Variants in MSR1 observed in about 807,000 individuals in gnomAD.
MSR1 encodes macrophage scavenger receptor 1.
MSR1 carries 53 observed loss-of-function variants against 47.2 expected under a neutral mutation model. The observed-to-expected ratio is 1.12, with a 90% CI of 0.90 to 1.41. MSR1 has a LOEUF of 1.41. Ranked by LOEUF, MSR1 falls within the 40% of genes most tolerant of loss-of-function variation. MSR1 has a pLI of 0.00. For synonymous variants in MSR1, 239 were observed against 185.6 expected (o/e 1.29, Z -2.34); for missense variants, 786 against 546.9 (o/e 1.44, Z -4.36).
chr8:16,170,759 C>T (rs1198617518), intron 3 of MSR1, among the ~76,000 whole-genome samples: 1 of 152,014 alleles, frequency 6.6e-6, no homozygotes, highest in Non-Finnish European at 1.5e-5. Context: ...GATCTAGTTC[C>T]CTGATTCTAG....
At chr8:16,150,368 G>A (rs1215860150) in intron 6 of MSR1, 57 bp from the exon 7 acceptor site, 1 of 989,976 alleles carries the variant, frequency 1.0e-6, no homozygotes, top group Non-Finnish European at 1.5e-6. Context: ...ACAGACTTGA[G>A]AGTATAATGA....
chr8:16,142,960 TA>T (rs1487638532), intron 8 of MSR1, among the ~76,000 whole-genome samples: 4 of 152,180 alleles, frequency 2.6e-5, no homozygotes, highest in African/African-American at 7.2e-5. Context: ...GCATGGCAAA[TA>T]GAAGACATCT....
At chr8:16,115,004 C>A (rs1048697598) in intron 9 of MSR1, among the ~76,000 whole-genome samples, 1 of 151,722 alleles carries the variant, frequency 6.6e-6, no homozygotes, top group Non-Finnish European at 1.5e-5. Flanking sequence ...ATGGAGAAAC[C>A]CCGTCTCTAC....
intron 8 of MSR1, chr8:16,140,294 A>G: frequency 2.0e-6 from 2 of 985,082 alleles, no homozygotes; most frequent in East Asian, 1.1e-4. Context: ...AGAAAAAGAA[A>G]AAAAAAAAGC....
chr8:16,152,989 G>A (rs1800902292), intron 6 of MSR1, among the ~76,000 whole-genome samples: 2 of 151,990 alleles, frequency 1.3e-5, no homozygotes, highest in African/African-American at 4.8e-5. Context: ...GTTATTATTT[G>A]GGGAATAAAG....
chr8:16,182,509 G>A (rs777623350), intron 1 of MSR1, among the ~76,000 whole-genome samples: 5 of 151,122 alleles, frequency 3.3e-5, no homozygotes, highest in Non-Finnish European at 7.4e-5. Flanking sequence ...TTGTGTAGCT[G>A]TACAAAAATA....
In MSR1 at chr8:16,120,425, A is replaced by G. The variant is rs1240648279; in HGVS notation, c.1215T>C (p.Phe405=). Residue 405 remains phenylalanine, a synonymous_variant, in exon 9 of 10, where the codon TTT becomes TTC. Transcript: ENST00000262101. ...GVQAVHKAAH[F]GQGTGPIWLN... is the part of the protein sequence containing the mutation. ...AGATTTTCTTTAAATTACCTTGTCCAAAGTGAGCTGCCTTGTGCACGGCTT... is the reference window on the plus strand; with the variant it reads ...AGATTTTCTTTAAATTACCTTGTCCGAAGTGAGCTGCCTTGTGCACGGCTT... 1 of 1,613,836 alleles carries G rather than the reference A, an allele frequency of 6.2e-7. No individual in the cohort carries two copies. Among genetic ancestry groups the G allele is most frequent in the Non-Finnish European group, 8.5e-7 (1 of 1,179,892 alleles).
intron 5 of MSR1, among the ~76,000 whole-genome samples, chr8:16,156,394 T>C (rs935990003): frequency 6.6e-6 from 1 of 151,832 alleles, no homozygotes; most frequent in Non-Finnish European, 1.5e-5. Flanking sequence ...AATAAGTATA[T>C]TTTGTACATT....
intron 1 of MSR1, among the ~76,000 whole-genome samples, chr8:16,184,822 T>C (rs933750725): frequency 1.4e-4 from 21 of 152,224 alleles, no homozygotes; most frequent in Admixed American, 6.6e-4. Flanking sequence ...TTTTAGCATA[T>C]AGAAGTGATA....
At chr8:16,143,708 T>TATA (rs3036811) in intron 7 of MSR1, 97 bp from the exon 8 acceptor site, 89,825 of 828,288 alleles carry the variant, frequency 0.11, 9,870 homozygotes, top group East Asian at 0.46. Flanking sequence ...TAAAATATAA[T>TATA]AGAATGGACA....
intron 8 of MSR1, among the ~76,000 whole-genome samples, chr8:16,138,707 A>C (rs1044840337): frequency 6.6e-6 from 1 of 152,172 alleles, no homozygotes; most frequent in South Asian, 2.1e-4. Flanking sequence ...AGAATGGGAC[A>C]GGAGGTCTCA....
intron 7 of MSR1, among the ~76,000 whole-genome samples, chr8:16,146,590 T>C (rs992508087): frequency 1.3e-5 from 2 of 152,124 alleles, no homozygotes; most frequent in Non-Finnish European, 2.9e-5. Context: ...AAGGGCTTTT[T>C]GTAGACTTCA....
At chr8:16,160,741 T>C (rs73530320) in intron 5 of MSR1, among the ~76,000 whole-genome samples, 13,298 of 151,986 alleles carry the variant, frequency 0.087, 897 homozygotes, top group East Asian at 0.33. Flanking sequence ...ATGTCTAGTG[T>C]TCATTATGGA....
intron 3 of MSR1, among the ~76,000 whole-genome samples, chr8:16,170,700 C>A (rs1801458968): frequency 6.6e-6 from 1 of 152,014 alleles, no homozygotes; most frequent in African/African-American, 2.4e-5. Flanking sequence ...TAGTTCTACC[C>A]CTAACTCAAG....
At chr8:16,115,604 C>T (rs1308051930) in intron 9 of MSR1, among the ~76,000 whole-genome samples, 3 of 152,118 alleles carry the variant, frequency 2.0e-5, no homozygotes, top group Non-Finnish European at 4.4e-5. Context: ...TCTCTCAGCT[C>T]ATTTTGCTTT....
intron 8 of MSR1, chr8:16,140,740 T>TC: frequency 7.1e-7 from 1 of 1,416,836 alleles, no homozygotes; most frequent in South Asian, 1.5e-5. Context: ...ATGAGAGGTG[T>TC]CCAGGCTGGG....
chr8:16,139,534 A>G, intron 8 of MSR1: 1 of 984,510 alleles, frequency 1.0e-6, no homozygotes, highest in Non-Finnish European at 1.2e-6. Flanking sequence ...TAAAGGAAAG[A>G]AGAGTTGTGA....
intron 8 of MSR1, among the ~76,000 whole-genome samples, chr8:16,129,230 A>G (rs1409575964): frequency 1.3e-5 from 2 of 152,186 alleles, no homozygotes; most frequent in African/African-American, 4.8e-5. Flanking sequence ...TTGCTAAATA[A>G]TTCACATTAG....
rs143183577 is a variant in MSR1 at position 16,184,871 on chromosome 8, T to C, written c.-4-6879A>G. 3.3e-3 allele frequency among the ~76,000 whole-genome samples: 509 copies of C among 152,208 alleles called. 6 individuals carry two copies. The highest frequency in any genetic ancestry group is 0.011 in the African/African-American group (469 of 41,550). The stretch of plus-strand genomic sequence containing the variant: ...GGATTACTATATTTTAAACCGTGGT[T>C]ACCTTGGGAAGATTTATTTAATCTC... On this transcript the variant is annotated intron_variant, in intron 1 of 9. Transcript: ENST00000262101.
Sources: gnomAD v4.1 joint callset for allele counts (sites outside exome capture counted in the v4.1 genomes callset) on GRCh38, gnomAD v4.1.1 for gene constraint, MANE v1.5 for transcripts, NCBI Gene and HGNC (gene_info 2026-07-23, HGNC 2026-07-21) for gene names.